The following KALRN variants were observed in gnomAD, a reference collection of about 807,000 sequenced individuals.
KALRN encodes the protein kalirin RhoGEF kinase.
KALRN carries 70 observed loss-of-function variants against 353.7 expected under a neutral mutation model. The ratio of observed to expected loss-of-function variants is 0.20; its 90% CI spans 0.16 to 0.24. The LOEUF (loss-of-function observed/expected upper bound fraction) is 0.24. KALRN is among the 10% of genes least tolerant of loss of function. The pLI, the probability that KALRN is intolerant of heterozygous loss-of-function variation, is 1.00. For missense variants in KALRN, 2,791 were observed against 3,756.7 expected, an observed-to-expected ratio of 0.74 and a Z score of 6.72; for synonymous variants, 1,391 against 1,434.8, an observed-to-expected ratio of 0.97 and a Z score of 0.69.
At chr3:124,118,171 C>T (rs557848528) in intron 1 of KALRN, among the ~76,000 whole-genome samples, 88 of 152,172 alleles carry the variant, frequency 5.8e-4, no homozygotes, top group African/African-American at 2.0e-3. Context: ...AGAAACATTC[C>T]GTGGAGATGA....
chr3:124,587,698 CTTTTTTTTTTTT>C (rs529810541), intron 34 of KALRN, among the ~76,000 whole-genome samples: 2 of 75,864 alleles, frequency 2.6e-5, no homozygotes, highest in Admixed American at 3.0e-4. Context: ...CCACCCTCCA[CTTTTTTTTTTTT>C]TTTTTTTTTT....
chr3:124,581,750 C>T (rs2074654685), intron 34 of KALRN, among the ~76,000 whole-genome samples: 1 of 152,186 alleles, frequency 6.6e-6, no homozygotes, highest in South Asian at 2.1e-4. Flanking sequence ...TGGACCATAG[C>T]ATCCATACTA....
intron 34 of KALRN, among the ~76,000 whole-genome samples, chr3:124,621,872 T>C (rs1205058486): frequency 6.6e-6 from 1 of 152,240 alleles, no homozygotes; most frequent in Non-Finnish European, 1.5e-5. Flanking sequence ...TAATACTTAC[T>C]GCAGGCCTTA....
At chr3:124,618,407 G>C (rs573644886) in intron 34 of KALRN, among the ~76,000 whole-genome samples, 1 of 152,144 alleles carries the variant, frequency 6.6e-6, no homozygotes, top group South Asian at 2.1e-4. Flanking sequence ...GAGCCACCGC[G>C]CCCAGCCATG....
At chr3:124,634,798 T>C (rs890807117) in intron 36 of KALRN, among the ~76,000 whole-genome samples, 3 of 152,180 alleles carry the variant, frequency 2.0e-5, no homozygotes, top group African/African-American at 7.2e-5. Flanking sequence ...CCATTTGCTT[T>C]TTCAAGTGCT....
At chr3:124,071,356 T>C (rs1363987255) in intron 1 of KALRN, among the ~76,000 whole-genome samples, 1 of 152,194 alleles carries the variant, frequency 6.6e-6, no homozygotes, top group Non-Finnish European at 1.5e-5. Flanking sequence ...CGCGAAAACA[T>C]ACCCAGAGAG....
At chr3:124,319,801 T>C (rs1379616848) in intron 6 of KALRN, among the ~76,000 whole-genome samples, 1 of 151,896 alleles carries the variant, frequency 6.6e-6, no homozygotes, top group East Asian at 1.9e-4. Flanking sequence ...GAGACCAGCC[T>C]GGCCAACATG....
intron 57 of KALRN, among the ~76,000 whole-genome samples, chr3:124,704,410 C>A (rs896384952): frequency 6.6e-6 from 1 of 152,164 alleles, no homozygotes; most frequent in Non-Finnish European, 1.5e-5. Flanking sequence ...CAAAAGTAAT[C>A]GATGTTTTTG....
At chr3:124,663,491 T>G (rs2085156844) in intron 45 of KALRN, among the ~76,000 whole-genome samples, 1 of 152,212 alleles carries the variant, frequency 6.6e-6, no homozygotes. Flanking sequence ...TAATTTAAAC[T>G]TAATAACTGA....
chr3:124,257,196 A>T (rs775656198), intron 3 of KALRN, among the ~76,000 whole-genome samples: 1 of 152,244 alleles, frequency 6.6e-6, no homozygotes, highest in South Asian at 2.1e-4. Context: ...CCTACTATTT[A>T]TTAAATGCAT....
At chr3:124,614,762 G>A (rs906802657) in intron 34 of KALRN, among the ~76,000 whole-genome samples, 1 of 151,962 alleles carries the variant, frequency 6.6e-6, no homozygotes, top group Non-Finnish European at 1.5e-5. Context: ...GGTAGGGACA[G>A]GGTCTCACTA....
chr3:124,521,225 C>T (rs1379514690), intron 33 of KALRN, among the ~76,000 whole-genome samples: 10 of 152,200 alleles, frequency 6.6e-5, no homozygotes. Context: ...GTTTACTTAG[C>T]AAATATTTTT....
chr3:124,049,905 C>A (rs1223646155), intron 1 of KALRN, among the ~76,000 whole-genome samples: 3 of 152,174 alleles, frequency 2.0e-5, no homozygotes, highest in African/African-American at 7.2e-5. Context: ...GCCCCCACCC[C>A]TGTTTTGCTA....
At chr3:124,656,699 C>T (rs1235747211) in intron 39 of KALRN, among the ~76,000 whole-genome samples, 3 of 152,174 alleles carry the variant, frequency 2.0e-5, no homozygotes, top group Non-Finnish European at 4.4e-5. Context: ...TTACATTTGG[C>T]CTGAGTTCCC....
intron 50 of KALRN, chr3:124,678,779 G>C: frequency 6.3e-6 from 1 of 157,836 alleles, no homozygotes; most frequent in Non-Finnish European, 1.4e-5. Context: ...TTTCCCCAGA[G>C]TTCAGACAAC....
chr3:124,560,206 C>G (rs1029867683), intron 33 of KALRN, among the ~76,000 whole-genome samples: 4 of 152,352 alleles, frequency 2.6e-5, no homozygotes, highest in Non-Finnish European at 5.9e-5. Flanking sequence ...AGCTTCAGGC[C>G]CCTTCTGCTC....
At chr3:124,152,614 G>A in intron 1 of KALRN, 3 of 548,952 alleles carry the variant, frequency 5.5e-6, no homozygotes, top group Non-Finnish European at 9.0e-6. Flanking sequence ...TTTTTTTTGA[G>A]ACAGAGCCTC....
chr3:124,375,013 T>C (rs1239433850), intron 10 of KALRN, among the ~76,000 whole-genome samples: 3 of 152,190 alleles, frequency 2.0e-5, no homozygotes, highest in Non-Finnish European at 4.4e-5. Context: ...TTTAAGTCTA[T>C]CTTCTTCACT....
At chr3:124,540,344 C>T (rs1039284540) in intron 33 of KALRN, among the ~76,000 whole-genome samples, 5 of 152,162 alleles carry the variant, frequency 3.3e-5, no homozygotes, top group African/African-American at 9.7e-5. Flanking sequence ...GGTAGCCATG[C>T]GCCCAGGTCT....
Sources: gnomAD v4.1 joint callset for allele counts (sites outside exome capture counted in the v4.1 genomes callset) on GRCh38, gnomAD v4.1.1 for gene constraint, MANE v1.5 for transcripts, NCBI Gene and HGNC (gene_info 2026-07-23, HGNC 2026-07-21) for gene names.